Variants in ATP6V1B1 observed in about 807,000 individuals in gnomAD.
ATP6V1B1 encodes the protein V-type proton ATPase subunit B, kidney isoform.
Under a neutral mutation model 62.1 loss-of-function variants are expected in ATP6V1B1, and 41 were observed. That is an observed-to-expected ratio of 0.66 (90% CI 0.51 to 0.86). The LOEUF (loss-of-function observed/expected upper bound fraction) is 0.86, where lower values mean the gene tolerates loss of function less well. Among genes scored for constraint, ATP6V1B1 ranks in the 40% least tolerant of loss-of-function variants. ATP6V1B1 has a pLI of 0.00. For missense variants in ATP6V1B1, 651 were observed against 697.5 expected (o/e 0.93, Z 0.75); for synonymous variants, 253 against 273.4 (o/e 0.93, Z 0.74).
chr2:70,964,739 G>T lies in ATP6V1B1; in HGVS notation c.1252G>T (p.Ala418Ser). Reference sequence around the variant, plus strand: ...CGACGCCTTGCCCCTCCCCCAGTACGCCTGCTATGCCATCGGGAAGGACGT... The same window carrying T: ...CGACGCCTTGCCCCTCCCCCAGTACTCCTGCTATGCCATCGGGAAGGACGT... ...DHGDVSNQLY[A>S]CYAIGKDVQA... is the part of the protein sequence containing the mutation. Residue 418 changes from alanine to serine, a missense_variant, in exon 13 of 14, where the codon GCC (alanine) becomes TCC (serine). Physicochemically the swap from Ala to Ser is moderately conservative, Grantham distance 99 (BLOSUM62 1). Coordinates refer to ENST00000234396, the MANE Select transcript of ATP6V1B1 (RefSeq NM_001692.4). 1 of 1,613,740 alleles carries T rather than the reference G, an allele frequency of 6.2e-7. No individual in the cohort carries two copies. The highest frequency in any genetic ancestry group is 8.5e-7 in the Non-Finnish European group (1 of 1,179,988).
intron 1 of ATP6V1B1, chr2:70,938,920 T>G (rs1020601644): frequency 1.3e-5 from 6 of 478,602 alleles, no homozygotes; most frequent in African/African-American, 1.1e-4. Flanking sequence ...TGTCTTTGCC[T>G]CCCCACCTCG....
intron 8 of ATP6V1B1, 99 bp downstream of exon 8, chr2:70,961,792 G>C: frequency 8.6e-7 from 1 of 1,167,866 alleles, no homozygotes; most frequent in Non-Finnish European, 1.3e-6. Flanking sequence ...CAGAACTACA[G>C]CCATACGCCA....
At chr2:70,941,241 T>A in intron 1 of ATP6V1B1, 1 of 977,274 alleles carries the variant, frequency 1.0e-6, no homozygotes, top group Non-Finnish European at 1.2e-6. Context: ...GTGTGTACCA[T>A]ATTCCCAGCA....
At chr2:70,950,932 ATTT>A (rs55871344) in intron 2 of ATP6V1B1, among the ~76,000 whole-genome samples, 3 of 64,604 alleles carry the variant, frequency 4.6e-5, no homozygotes, top group African/African-American at 1.3e-4. Context: ...TTTTTTCCTG[ATTT>A]TTTTTTTTTT....
At chr2:70,939,372 T>A (rs1490281236) in intron 1 of ATP6V1B1, 1 of 152,402 alleles carries the variant, frequency 6.6e-6, no homozygotes, top group Non-Finnish European at 1.5e-5. Flanking sequence ...TTGGGTCTTC[T>A]GATCCAGCCC....
chr2:70,951,123 A>G (rs1373896886), intron 2 of ATP6V1B1, among the ~76,000 whole-genome samples: 1 of 151,524 alleles, frequency 6.6e-6, no homozygotes, highest in Non-Finnish European at 1.5e-5. Flanking sequence ...TTGTATTTTT[A>G]GTAGAGACAG....
intron 9 of ATP6V1B1, 33 bp downstream of exon 9, chr2:70,962,933 C>T (rs1169616254): frequency 6.2e-7 from 1 of 1,612,830 alleles, no homozygotes; most frequent in Non-Finnish European, 8.5e-7. Flanking sequence ...TCAGATTCCT[C>T]CCTACCCCTC....
intron 1 of ATP6V1B1, chr2:70,939,710 A>G (rs10185490): frequency 0.57 from 87,428 of 152,108 alleles, 25,248 homozygotes; most frequent in East Asian, 0.67. Flanking sequence ...GCTCTAAGAC[A>G]TCTGACGGGA....
rs1680650492 is a variant in ATP6V1B1 at position 70,963,958 on chromosome 2, C to A, written c.1143+304C>A. The A allele has an allele frequency of 1.6e-5, 8 of 501,756 alleles. No individual in the cohort carries two copies. In the South Asian group the frequency reaches 1.6e-4, roughly 10 times the overall value. 31.1% of individuals were successfully genotyped at this position (501,756 alleles called of 1,614,324 possible). A position where few individuals can be genotyped will look rare whatever the true frequency, so the allele number is the denominator to read the frequency against. The stretch of plus-strand genomic sequence containing the variant: ...ATTGTGGAGGATAAAAATAAGTTGG[C>A]ATATAGAAAGCATCTGGCAGATAGT... On this transcript the variant is annotated intron_variant, in intron 11 of 13. Transcript: ENST00000234396. The surrounding 1 kb of genome is among the most constrained non-coding windows in gnomAD (Gnocchi z 4.3).
Position 70,963,043 on chromosome 2 carries a change from T to A in ATP6V1B1, c.910-119T>A. The A allele has an allele frequency of 6.3e-7, 1 of 1,598,664 alleles. No individual in the cohort carries two copies. The highest frequency in any genetic ancestry group is 2.2e-5 in the East Asian group (1 of 44,784). On this transcript the variant is annotated intron_variant, in intron 9 of 13. Transcript: ENST00000234396. The surrounding 1 kb of genome is among the most constrained non-coding windows in gnomAD (Gnocchi z 4.3). ...TGAGTTCCAGGGCTTGGTCTCAGCCTGGCCATTCCTCCCCTGCCCCCCACT... is the reference window on the plus strand; with the variant it reads ...TGAGTTCCAGGGCTTGGTCTCAGCCAGGCCATTCCTCCCCTGCCCCCCACT...
chr2:70,958,266 C>T (rs1208366761), intron 3 of ATP6V1B1, 67 bp from the exon 4 acceptor site: 3 of 1,596,106 alleles, frequency 1.9e-6, no homozygotes, highest in African/African-American at 2.7e-5. Flanking sequence ...CAGAAAGTGC[C>T]CAGAATGGGT....
chr2:70,948,457 T>G (rs1553417754), intron 2 of ATP6V1B1: 1 of 154,766 alleles, frequency 6.5e-6, no homozygotes, highest in Non-Finnish European at 1.5e-5. Flanking sequence ...GTACAGCAAC[T>G]TTTCCCCTGA....
In ATP6V1B1 at chr2:70,964,725, C is replaced by T. The variant is rs782803276; in HGVS notation, c.1249-11C>T. On this transcript the variant is annotated splice_polypyrimidine_tract_variant and intron_variant, in intron 12 of 13. Transcript: ENST00000234396. Reference sequence around the variant, plus strand: ...CCCGCAGCGGCCACCGACGCCTTGCCCCTCCCCCAGTACGCCTGCTATGCC... The same window carrying T: ...CCCGCAGCGGCCACCGACGCCTTGCTCCTCCCCCAGTACGCCTGCTATGCC... 37 of 1,613,388 alleles carry T rather than the reference C, an allele frequency of 2.3e-5. No individual in the cohort carries two copies. Among genetic ancestry groups the T allele is most frequent in the Non-Finnish European group, 3.1e-5 (36 of 1,179,932 alleles).
intron 2 of ATP6V1B1, among the ~76,000 whole-genome samples, chr2:70,957,058 T>C (rs1553419167): frequency 6.6e-6 from 1 of 151,810 alleles, no homozygotes; most frequent in East Asian, 1.9e-4. Flanking sequence ...TCAAATCCTT[T>C]TGATTATTAT....
In ATP6V1B1 at chr2:70,943,683, C is replaced by G; in HGVS notation, c.144C>G (p.Asn48Lys). Residue 48 changes from asparagine to lysine, a missense_variant, in exon 2 of 14, where the codon AAC becomes AAG. Transcript: ENST00000234396. ...RVTYRTVCSV[N>K]GPLVVLDRVK... is the part of the protein sequence containing the mutation. Reference sequence around the variant, plus strand: ...CCTACAGGACTGTGTGCAGCGTGAACGGGCCCCTGGTGGTGCTGGACCGGG... The same window carrying G: ...CCTACAGGACTGTGTGCAGCGTGAAGGGGCCCCTGGTGGTGCTGGACCGGG... The G allele has an allele frequency of 1.9e-6, 3 of 1,613,868 alleles. No individual in the cohort carries two copies. The highest frequency in any genetic ancestry group is 2.2e-5 in the East Asian group (1 of 44,866).
At chr2:70,949,688 C>A (rs1217669048) in intron 2 of ATP6V1B1, among the ~76,000 whole-genome samples, 1 of 152,116 alleles carries the variant, frequency 6.6e-6, no homozygotes, top group Non-Finnish European at 1.5e-5. Context: ...AGTGTCTGTC[C>A]ATATGTTTAC....
chr2:70,951,009 C>G (rs1275082520), intron 2 of ATP6V1B1, among the ~76,000 whole-genome samples: 1 of 118,466 alleles, frequency 8.4e-6, no homozygotes, highest in Non-Finnish European at 1.6e-5. Context: ...GTGGCAAAAT[C>G]TTGGCTCACT....
chr2:70,952,601 A>G (rs1680347216), intron 2 of ATP6V1B1, among the ~76,000 whole-genome samples: 1 of 152,178 alleles, frequency 6.6e-6, no homozygotes, highest in Non-Finnish European at 1.5e-5. Context: ...GTTATCAAAT[A>G]TTGACAAATT....
intron 12 of ATP6V1B1, 85 bp from the exon 13 acceptor site, chr2:70,964,651 C>T (rs1572924321): frequency 3.7e-6 from 6 of 1,612,150 alleles, no homozygotes; most frequent in African/African-American, 2.7e-5. Context: ...CCTTTCCGAA[C>T]GGGGTCCCAG....
Sources: allele counts gnomAD v4.1 joint callset (sites outside exome capture counted in the v4.1 genomes callset), GRCh38; gene constraint gnomAD v4.1.1; non-coding constraint Gnocchi (gnomAD v3.1); transcripts MANE v1.5; gene names NCBI Gene and HGNC (gene_info 2026-07-23, HGNC 2026-07-21).